Variants in ADCY7 observed in about 807,000 individuals in gnomAD.
The protein encoded by ADCY7 is adenylate cyclase type 7.
Under a neutral mutation model 120.6 loss-of-function variants are expected in ADCY7, and 72 were observed. The ratio of observed to expected loss-of-function variants is 0.60; its 90% CI spans 0.49 to 0.73. ADCY7 has a LOEUF of 0.73. Ranked by LOEUF, ADCY7 falls within the 30% of genes least tolerant of loss-of-function variation. The pLI is 0.00. For synonymous variants in ADCY7, 661 were observed against 628.0 expected, an observed-to-expected ratio of 1.05 and a Z score of -0.78; for missense variants, 1,227 against 1,486.0, an observed-to-expected ratio of 0.83 and a Z score of 2.87.
At chr16:50,290,432 A>C (rs372365735) in intron 2 of ADCY7, 25 bp from the exon 3 acceptor site, 3 of 1,613,226 alleles carry the variant, frequency 1.9e-6, no homozygotes, top group Non-Finnish European at 2.5e-6. Context: ...AAGCCGAGGC[A>C]TTCCTGTCTG....
chr16:50,313,328 G>A (rs941758154), intron 22 of ADCY7: 22 of 302,892 alleles, frequency 7.3e-5, no homozygotes, highest in African/African-American at 4.1e-4. Flanking sequence ...GCTGAGGCAG[G>A]AGAATCGCTT....
At chr16:50,291,322 G>A (rs994723880) in intron 3 of ADCY7, among the ~76,000 whole-genome samples, 8 of 151,750 alleles carry the variant, frequency 5.3e-5, no homozygotes, top group Non-Finnish European at 2.9e-5. Flanking sequence ...AGGACCAGCC[G>A]GTGGGGATGG....
chr16:50,305,183 G>A (rs574014288), intron 12 of ADCY7, among the ~76,000 whole-genome samples: 6 of 152,248 alleles, frequency 3.9e-5, no homozygotes, highest in African/African-American at 1.2e-4. Flanking sequence ...GTGCCCTGGC[G>A]GGGTCAGTGG....
In ADCY7 at chr16:50,289,292, T is replaced by C. The variant is rs574852276; in HGVS notation, c.171+942T>C. The C allele has an allele frequency of 5.8e-4, 252 of 435,724 alleles. 1 individual carries two copies. The highest frequency in any genetic ancestry group is 1.0e-3 in the Non-Finnish European group (228 of 218,222). The allele number at this position is 435,724 out of a possible 1,614,324, so 27.0% of individuals were successfully genotyped here. ...CTCAAGTAATCCTCCTGCCTTGGCCTCCCAAAGTGTTGGGATTACAGGTGT... is the reference window on the plus strand; with the variant it reads ...CTCAAGTAATCCTCCTGCCTTGGCCCCCCAAAGTGTTGGGATTACAGGTGT... On this transcript the variant is annotated intron_variant, in intron 2 of 25. Transcript: ENST00000673801.
chr16:50,248,448 G>A (rs1202949376), intron 1 of ADCY7, among the ~76,000 whole-genome samples: 1 of 152,234 alleles, frequency 6.6e-6, no homozygotes, highest in Non-Finnish European at 1.5e-5. Flanking sequence ...CCCTGCCATG[G>A]CCAGTAGGGG....
chr16:50,302,552 C>T (rs2035797918), intron 10 of ADCY7, among the ~76,000 whole-genome samples: 1 of 151,674 alleles, frequency 6.6e-6, no homozygotes, highest in Admixed American at 6.6e-5. Flanking sequence ...GGCGGCCCCA[C>T]CTTCCCCCCA....
rs773000075 is a variant in ADCY7, at chr16:50,312,108, ATGGAGAACGTGAACCGCCTTCTTC to A, written c.2532_2555del (p.Asn845_Val852del). 3.1e-6 allele frequency: 5 copies of A among 1,614,238 alleles called. No individual in the cohort carries two copies. Among genetic ancestry groups the A allele is most frequent in the Non-Finnish European group, 4.2e-6 (5 of 1,180,048 alleles). ...GAAGGAGCACGAGGAGTTTGAGACC[ATGGAGAACGTGAACCGCCTTCTTC>A]TGGAGAACGTCCTGCCAGCCCACGT... On this transcript the variant is annotated inframe_deletion, in exon 21 of 26. Transcript: ENST00000673801.
In ADCY7 at chr16:50,312,047, C is replaced by T. The variant is rs373262448; in HGVS notation, c.2460C>T (p.Tyr820=). The change falls in exon 21 of 26, where the codon TAC becomes TAT. Residue 820 remains tyrosine (Y), a synonymous_variant. Transcript: ENST00000673801. ...LLTLSRQIDY[Y]CRLDCLWKKK... The stretch of plus-strand genomic sequence containing the variant: ...GCTGCCGTTTGCAGATTGACTATTA[C>T]TGCCGCTTGGACTGCCTATGGAAGA... 6.2e-6 allele frequency: 10 copies of T among 1,614,098 alleles called. No individual in the cohort carries two copies. The highest frequency in any genetic ancestry group is 5.3e-5 in the African/African-American group (4 of 74,946).
Position 50,312,887 on chromosome 16 carries a change from C to T in ADCY7, c.2605-3C>T. 1 of 1,614,032 alleles carries T rather than the reference C, an allele frequency of 6.2e-7. No homozygotes were observed. The highest frequency in any genetic ancestry group is 8.5e-7 in the Non-Finnish European group (1 of 1,179,966). On this transcript the variant is annotated splice_region_variant and splice_polypyrimidine_tract_variant and intron_variant, in intron 21 of 25. Coordinates refer to ENST00000673801, the MANE Select transcript of ADCY7 (RefSeq NM_001114.5). ...GTGTAAGGTCCGGTTTCTTCCCATC[C>T]AGGACTGGTACCATCAGTCCTATGA...
rs1555526420 is a variant in ADCY7 at position 50,313,435 on chromosome 16, C to CAACA, written c.2751+401_2751+402insCAAA. 6.0e-3 allele frequency: 995 copies of CAACA among 164,594 alleles called. 17 individuals are homozygous for CAACA. The highest frequency in any genetic ancestry group is 0.025 in the African/African-American group (937 of 38,138). 10.2% of individuals were successfully genotyped at this position (164,594 alleles called of 1,614,324 possible). Reference sequence around the variant, plus strand: ...CTGTCTCAAACAACAACAACAACAACAAAAAAAAAACGACGTGGCCCGCCT... The same window carrying CAACA: ...CTGTCTCAAACAACAACAACAACAACAACAAAAAAAAAAACGACGTGGCCCGCCT... On this transcript the variant is annotated intron_variant, in intron 22 of 25. Coordinates refer to ENST00000673801, the MANE Select transcript of ADCY7 (RefSeq NM_001114.5).
chr16:50,308,844 A>G (rs771203981), intron 17 of ADCY7, 52 bp downstream of exon 17: 7 of 1,549,726 alleles, frequency 4.5e-6, no homozygotes, highest in Non-Finnish European at 6.1e-6. Flanking sequence ...AGACCTCCAG[A>G]TTTGGGACGC....
At chr16:50,244,774 G>A (rs566205619), upstream of ADCY7, among the ~76,000 whole-genome samples, 60 of 152,344 alleles carry the variant, frequency 3.9e-4, no homozygotes, top group African/African-American at 1.3e-3. Context: ...CCCTCAGGAT[G>A]CTGCAGTGAC....
upstream of ADCY7, among the ~76,000 whole-genome samples, chr16:50,266,123 A>C (rs1320608806): frequency 2.0e-5 from 3 of 151,918 alleles, no homozygotes; most frequent in Non-Finnish European, 4.4e-5. Context: ...TCAGAGGTGG[A>C]CGGGGCCACC....
chr16:50,308,937 A>C, intron 17 of ADCY7, 145 bp downstream of exon 17: 2 of 979,300 alleles, frequency 2.0e-6, no homozygotes, highest in African/African-American at 1.7e-5. Context: ...CCCTTTGTAC[A>C]CTCAGGGCTC....
chr16:50,315,299 C>G, intron 25 of ADCY7, 60 bp from the exon 26 acceptor site: 1 of 1,582,792 alleles, frequency 6.3e-7, no homozygotes, highest in East Asian at 2.3e-5. Context: ...CTCTATCTGT[C>G]CCTACCATGA....
intron 1 of ADCY7, among the ~76,000 whole-genome samples, chr16:50,281,605 C>G (rs528358787): frequency 3.3e-5 from 5 of 152,324 alleles, no homozygotes; most frequent in South Asian, 2.1e-4. Flanking sequence ...ACACACAGAT[C>G]CCACCACGAC....
chr16:50,260,174 G>T (rs1334560526), intron 1 of ADCY7, among the ~76,000 whole-genome samples: 2 of 152,242 alleles, frequency 1.3e-5, no homozygotes, highest in African/African-American at 4.8e-5. Context: ...CTGTGTTATT[G>T]TTGGGAGTAT....
At chr16:50,312,293 C>T (rs2036531811) in intron 21 of ADCY7, 102 bp downstream of exon 21, 2 of 1,366,562 alleles carry the variant, frequency 1.5e-6, no homozygotes, top group African/African-American at 1.4e-5. Flanking sequence ...AGCTTGGCTT[C>T]CTCAGGTCCT....
intron 10 of ADCY7, among the ~76,000 whole-genome samples, chr16:50,302,919 C>T (rs192934275): frequency 1.3e-5 from 2 of 152,348 alleles, no homozygotes; most frequent in South Asian, 2.1e-4. Flanking sequence ...CTCTGCCTTA[C>T]GCCATTGCTG....
Sources: gnomAD v4.1 joint callset for allele counts (sites outside exome capture counted in the v4.1 genomes callset) on GRCh38, gnomAD v4.1.1 for gene constraint, MANE v1.5 for transcripts, NCBI Gene and HGNC (gene_info 2026-07-23, HGNC 2026-07-21) for gene names.